Variants in USP25 observed in about 807,000 individuals in gnomAD.
USP25 encodes the protein ubiquitin specific peptidase 25.
USP25 carries 85 observed loss-of-function variants against 158.5 expected under a neutral mutation model. The ratio of observed to expected loss-of-function variants is 0.54; its 90% CI spans 0.45 to 0.64. USP25 has a LOEUF of 0.64. USP25 is among the 30% of genes least tolerant of loss of function. The probability of loss-of-function intolerance (pLI) is 0.00; values close to 1 mark genes in which losing one functional copy is unlikely to be tolerated. For missense variants in USP25, 1,242 were observed against 1,327.3 expected, an observed-to-expected ratio of 0.94 and a Z score of 1.00; for synonymous variants, 464 against 460.4, an observed-to-expected ratio of 1.01 and a Z score of -0.10.
intron 22 of USP25, among the ~76,000 whole-genome samples, chr21:15,868,254 T>C (rs2039740920): frequency 6.6e-6 from 1 of 152,160 alleles, no homozygotes. Context: ...TGACCAGATA[T>C]TTTTGACCAG....
chr21:15,836,281 C>G (rs904961536), intron 17 of USP25, among the ~76,000 whole-genome samples: 1 of 152,110 alleles, frequency 6.6e-6, no homozygotes, highest in African/African-American at 2.4e-5. Flanking sequence ...AGTACTAATT[C>G]ATATTATATT....
intron 1 of USP25, among the ~76,000 whole-genome samples, chr21:15,758,692 C>T (rs966679325): frequency 2.0e-5 from 3 of 152,130 alleles, no homozygotes; most frequent in African/African-American, 7.2e-5. Flanking sequence ...ACTCACAGTT[C>T]CACATTGTCA....
chr21:15,800,345 A>G (rs2036071177), intron 6 of USP25, among the ~76,000 whole-genome samples: 2 of 151,326 alleles, frequency 1.3e-5, no homozygotes, highest in Non-Finnish European at 3.0e-5. Context: ...GGTTCTAGCT[A>G]GGGACCTAGA....
intron 1 of USP25, among the ~76,000 whole-genome samples, chr21:15,750,639 C>T (rs2032937856): frequency 6.6e-6 from 1 of 151,764 alleles, no homozygotes; most frequent in South Asian, 2.1e-4. Flanking sequence ...TAGAGTCTCG[C>T]TCTGTCGCCT....
intron 4 of USP25, among the ~76,000 whole-genome samples, chr21:15,783,666 GA>G (rs1448066729): frequency 6.6e-6 from 1 of 151,850 alleles, no homozygotes; most frequent in Non-Finnish European, 1.5e-5. Context: ...CTTAAGAAAT[GA>G]AAAAGAAGGG....
At chr21:15,842,826 G>A (rs925071816) in intron 18 of USP25, among the ~76,000 whole-genome samples, 1 of 152,166 alleles carries the variant, frequency 6.6e-6, no homozygotes, top group Non-Finnish European at 1.5e-5. Flanking sequence ...CTTAAAAAGA[G>A]AAGTGTAAAA....
chr21:15,736,654 A>G (rs1014762335), intron 1 of USP25, among the ~76,000 whole-genome samples: 1 of 151,534 alleles, frequency 6.6e-6, no homozygotes, highest in Non-Finnish European at 1.5e-5. Flanking sequence ...ATAAAACATT[A>G]ATAGCTTTTT....
intron 1 of USP25, among the ~76,000 whole-genome samples, chr21:15,731,924 A>T (rs1435142301): frequency 2.0e-5 from 3 of 152,240 alleles, no homozygotes; most frequent in Non-Finnish European, 4.4e-5. Flanking sequence ...AGTGTTGAAT[A>T]TTAAAGTCTG....
In USP25 at chr21:15,826,989, A is replaced by C; in HGVS notation, c.1479A>C (p.Gln493His). 4 of 1,613,768 alleles carry C rather than the reference A, an allele frequency of 2.5e-6. No individual in the cohort carries two copies. Among genetic ancestry groups the C allele is most frequent in the Non-Finnish European group, 3.4e-6 (4 of 1,180,008 alleles). Residue 493 changes from glutamine to histidine, a missense_variant, in exon 14 of 26, where the codon CAA becomes CAC. Gln to His is a conservative substitution (Grantham distance 24, BLOSUM62 0). Around this residue, in one of 3 missense-constraint regions of USP25, gnomAD observed 627 missense variants for 701.4 expected, o/e 0.89. Coordinates refer to ENST00000400183, the MANE Select transcript of USP25 (RefSeq NM_001283041.3). This position sits in a 1 kb window ranked among gnomAD's most constrained non-coding sequence, Gnocchi z 4.8. Reference sequence around the variant, plus strand: ...TGCTTTGATACAGCACAACAGAACAACAGGGAGCCCTATCTTCAGAACTGC... The same window carrying C: ...TGCTTTGATACAGCACAACAGAACACCAGGGAGCCCTATCTTCAGAACTGC... ...PSQTLPSTTE[Q>H]QGALSSELPS...
At chr21:15,747,140 T>G (rs918610925) in intron 1 of USP25, among the ~76,000 whole-genome samples, 3 of 152,154 alleles carry the variant, frequency 2.0e-5, no homozygotes, top group African/African-American at 7.2e-5. Flanking sequence ...TTTGGGCTAT[T>G]TATCTTTTTC....
intron 1 of USP25, among the ~76,000 whole-genome samples, chr21:15,748,403 T>A (rs1489161228): frequency 6.8e-6 from 1 of 146,526 alleles, no homozygotes; most frequent in Non-Finnish European, 1.5e-5. Context: ...CTCCTCAGCC[T>A]CCCAAGTAGC....
At chr21:15,752,584 A>G (rs1220445126) in intron 1 of USP25, among the ~76,000 whole-genome samples, 4 of 152,212 alleles carry the variant, frequency 2.6e-5, no homozygotes, top group African/African-American at 9.6e-5. Flanking sequence ...GACAGGTAGG[A>G]AAAAGGACTC....
chr21:15,872,969 G>T (rs1030126264), intron 23 of USP25, among the ~76,000 whole-genome samples: 1 of 151,826 alleles, frequency 6.6e-6, no homozygotes, highest in East Asian at 1.9e-4. Flanking sequence ...AAAAACTGAC[G>T]CAAAGGAAAT....
chr21:15,730,361 A>ACCGCCG lies in USP25; in HGVS notation c.-13_-8dup, dbSNP rs566061228. 1.2e-4 allele frequency: 140 copies of ACCGCCG among 1,181,098 alleles called. 1 individual carries two copies. The highest frequency in any genetic ancestry group is 2.7e-4 in the East Asian group (7 of 25,716). 73.2% of individuals were successfully genotyped at this position (1,181,098 alleles called of 1,614,324 possible). ...GCGGAGGCGCGAGGAGCCGGGCGCC[A>ACCGCCG]CCGCCGCCGCCGCCGCCGCCGCCGC... On this transcript the variant is annotated 5_prime_UTR_variant, in exon 1 of 26. Transcript: ENST00000400183.
Position 15,847,783 on chromosome 21 carries a change from T to C in USP25, c.2451+7T>C. The C allele has an allele frequency of 3.9e-6, 6 of 1,519,284 alleles. No individual in the cohort carries two copies. The highest frequency in any genetic ancestry group is 5.4e-6 in the Non-Finnish European group (6 of 1,118,722). The allele number at this position is 1,519,284 out of a possible 1,614,324, so 94.1% of individuals were successfully genotyped here. On this transcript the variant is annotated splice_region_variant and intron_variant, in intron 19 of 25. Transcript: ENST00000400183. ...GGGGGGGTATGATGACGAGGTACCT[T>C]TTACAGCCCTCTGCACCATTGCTAC... is the stretch of plus-strand genomic sequence containing the variant.
intron 4 of USP25, among the ~76,000 whole-genome samples, chr21:15,785,317 C>T (rs1439698055): frequency 1.3e-5 from 2 of 152,024 alleles, no homozygotes; most frequent in Non-Finnish European, 2.9e-5. Context: ...CTTCAGCATC[C>T]CACTTTTAAC....
intron 10 of USP25, among the ~76,000 whole-genome samples, chr21:15,822,602 TTG>T (rs2037288766): frequency 6.6e-6 from 1 of 151,980 alleles, no homozygotes; most frequent in Non-Finnish European, 1.5e-5. Context: ...ATCTACTTTC[TTG>T]TTTGAGTATC....
chr21:15,800,177 C>A (rs909318617), intron 6 of USP25, among the ~76,000 whole-genome samples: 1 of 151,292 alleles, frequency 6.6e-6, no homozygotes, highest in Admixed American at 6.6e-5. Context: ...TTGTGGAAAT[C>A]GAAATTTCTT....
At chr21:15,749,790 G>A (rs944752410) in intron 1 of USP25, among the ~76,000 whole-genome samples, 1 of 152,180 alleles carries the variant, frequency 6.6e-6, no homozygotes, top group African/African-American at 2.4e-5. Context: ...AGGTCGAAGT[G>A]TTATTCCAAG....
Sources: allele counts gnomAD v4.1 joint callset (sites outside exome capture counted in the v4.1 genomes callset), GRCh38; gene constraint gnomAD v4.1.1; regional missense constraint gnomAD v4.1.1; non-coding constraint Gnocchi (gnomAD v3.1); transcripts MANE v1.5; gene names NCBI Gene and HGNC (gene_info 2026-07-23, HGNC 2026-07-21).